EP400: variants seen among roughly 807,000 people sequenced by gnomAD.
EP400 encodes E1A-binding protein p400.
In EP400, 105 loss-of-function variants were observed where a neutral mutation model predicts 354.1. That is an observed-to-expected ratio of 0.30 (90% CI 0.25 to 0.35). The LOEUF is 0.35. EP400 is among the 10% of genes least tolerant of loss of function. EP400 has a pLI of 1.00. For missense variants in EP400, 3,280 were observed against 4,121.0 expected (o/e 0.80, Z 5.59); for synonymous variants, 1,646 against 1,716.9 (o/e 0.96, Z 1.02).
At position 132,020,040 on chromosome 12, in the gene EP400, G is replaced by A; in HGVS notation, c.4278-9G>A. 6.6e-7 allele frequency: 1 copy of A among 1,519,674 alleles called. No homozygotes were observed. Among genetic ancestry groups the A allele is most frequent in the Non-Finnish European group, 8.8e-7 (1 of 1,130,952 alleles). The allele number at this position is 1,519,674 out of a possible 1,614,324, so 94.1% of individuals were successfully genotyped here. On this transcript the variant is annotated splice_polypyrimidine_tract_variant and intron_variant, in intron 21 of 52. Coordinates refer to ENST00000389561, the MANE Select transcript of EP400 (RefSeq NM_015409.5). ...CTGTATCTTCTTGCCTGGACCAATG[G>A]GCATCTAGGTTGTTTCAGCCTGTGC...
chr12:131,967,866 AT>A (rs1892156169), intron 2 of EP400, among the ~76,000 whole-genome samples: 22 of 152,034 alleles, frequency 1.4e-4, no homozygotes, highest in Admixed American at 1.3e-3. Flanking sequence ...TTTAATTTGG[AT>A]GTCTCTGAAG....
In EP400 at chr12:131,994,309, A is replaced by T. The variant is rs753896610; in HGVS notation, c.2738-558A>T. 3.3e-5 allele frequency among the ~76,000 whole-genome samples: 5 copies of T among 152,162 alleles called. No individual in the cohort carries two copies. Among genetic ancestry groups the T allele is most frequent in the Admixed American group, 6.5e-5 (1 of 15,276 alleles). Reference sequence around the variant, plus strand: ...TGGTGCAGGCCCCCTGCAGGCCCCCAGGTGGGGAGAGGGTCCGTGGACAGA... The same window carrying T: ...TGGTGCAGGCCCCCTGCAGGCCCCCTGGTGGGGAGAGGGTCCGTGGACAGA... On this transcript the variant is annotated intron_variant, in intron 11 of 52. Transcript: ENST00000389561. The surrounding 1 kb of genome is among the most constrained non-coding windows in gnomAD (Gnocchi z 4.6).
chr12:131,992,211 A>T lies in EP400; in HGVS notation c.2718A>T (p.Ile906=). ...GMSGRKRKAS[I]SLTDDEVDDE... is the part of the protein sequence containing the mutation. ...CTGGAAGAAAAAGAAAAGCTAGCAT[A>T]TCTTTGACTGATGACGAAGGTCTGT... is the stretch of plus-strand genomic sequence containing the variant. The change falls in exon 11 of 53, where the codon ATA becomes ATT. Residue 906 remains isoleucine (I), a synonymous_variant. Coordinates refer to ENST00000389561, the MANE Select transcript of EP400 (RefSeq NM_015409.5). 6.2e-7 allele frequency: 1 copy of T among 1,610,552 alleles called. No homozygotes were observed. Among genetic ancestry groups the T allele is most frequent in the African/African-American group, 1.3e-5 (1 of 75,010 alleles).
intron 6 of EP400, 81 bp from the exon 7 acceptor site, chr12:131,987,624 G>A: frequency 7.8e-7 from 1 of 1,282,752 alleles, no homozygotes; most frequent in South Asian, 1.6e-5. Flanking sequence ...TGCATAGTAG[G>A]GCTTCAAATT....
At chr12:132,043,805 A>T in intron 34 of EP400, 77 bp downstream of exon 34, 1 of 1,302,538 alleles carries the variant, frequency 7.7e-7, no homozygotes, top group Non-Finnish European at 1.1e-6. Context: ...AGTAAATGTG[A>T]CTTCATTAAA....
chr12:132,038,525 A>T lies in EP400; in HGVS notation c.6207+429A>T, dbSNP rs1482200765. Among the ~76,000 whole-genome samples, 5 of 152,186 alleles carry T rather than the reference A, an allele frequency of 3.3e-5. No individual in the cohort carries two copies. Among genetic ancestry groups the T allele is most frequent in the African/African-American group, 1.2e-4 (5 of 41,442 alleles). ...GGTGCTGAGTGTAAGGTGCTGGTTG[A>T]TTGCAAAGACTGAGTATAAGAAAGA... On this transcript the variant is annotated intron_variant, in intron 32 of 52. Transcript: ENST00000389561. The surrounding 1 kb of genome is among the most constrained non-coding windows in gnomAD (Gnocchi z 4.2).
chr12:132,038,308 G>T lies in EP400; in HGVS notation c.6207+212G>T, dbSNP rs147729276. On this transcript the variant is annotated intron_variant, in intron 32 of 52. Transcript: ENST00000389561. This position sits in a 1 kb window ranked among gnomAD's most constrained non-coding sequence, Gnocchi z 4.2. ...AGTGAGGGGAATGGTGGCGAAGGTC[G>T]CGGACCACAGGCCTGTCACCGAAGC... 6.6e-6 allele frequency among the ~76,000 whole-genome samples: 1 copy of T among 152,178 alleles called. No homozygotes were observed. Among genetic ancestry groups the T allele is most frequent in the Admixed American group, 6.5e-5 (1 of 15,286 alleles).
chr12:132,045,270 G>T (rs944401136), intron 37 of EP400, 49 bp from the exon 38 acceptor site: 3 of 1,602,088 alleles, frequency 1.9e-6, no homozygotes, highest in Admixed American at 3.4e-5. Flanking sequence ...GCCTGCCCGT[G>T]TGGAATCTCC....
rs1333154495 is a variant in EP400 at position 131,998,240 on chromosome 12, G to A, written c.2827+3284G>A. Among the ~76,000 whole-genome samples the A allele has an allele frequency of 2.6e-5, 4 of 152,280 alleles. No individual in the cohort carries two copies. The East Asian group carries it at 7.7e-4, about 29-fold the overall frequency. ...GGTAAGTTCTTCTGCCTTGCTCTGT[G>A]TTAGGAGGATCTTGTCTATTTGGGG... On this transcript the variant is annotated intron_variant, in intron 12 of 52. Coordinates refer to ENST00000389561, the MANE Select transcript of EP400 (RefSeq NM_015409.5).
intron 29 of EP400, chr12:132,031,492 G>A (rs1277687665): frequency 2.3e-6 from 1 of 429,054 alleles, no homozygotes; most frequent in Non-Finnish European, 4.6e-6. Context: ...AATACAGTGC[G>A]GGGACCTTGG....
intron 30 of EP400, among the ~76,000 whole-genome samples, chr12:132,034,912 A>G (rs1894643024): frequency 6.6e-6 from 1 of 152,352 alleles, no homozygotes; most frequent in African/African-American, 2.4e-5. Context: ...CAGGGGAGAC[A>G]GGCACACAGC....
At chr12:132,034,596 A>T (rs1200468015) in intron 30 of EP400, among the ~76,000 whole-genome samples, 2 of 152,204 alleles carry the variant, frequency 1.3e-5, no homozygotes, top group Non-Finnish European at 2.9e-5. Flanking sequence ...GAACCCCCAA[A>T]CTGCATAAGG....
At chr12:131,963,730 C>A (rs1014489189) in intron 2 of EP400, 3 of 1,021,006 alleles carry the variant, frequency 2.9e-6, no homozygotes, top group African/African-American at 3.2e-5. Flanking sequence ...ACTTGCTCTT[C>A]AGCATTTTTT....
Position 131,960,714 on chromosome 12 carries a change from C to A in EP400, c.95C>A (p.Pro32His). ...GSEGEEQPAHPNPPPSPAAPF... is the reference protein window; with the variant it reads ...GSEGEEQPAHHNPPPSPAAPF... ...GAGGGTGAGGAGCAGCCGGCCCACCCCAACCCACCCCCGTCCCCCGCAGCT... is the reference window on the plus strand; with the variant it reads ...GAGGGTGAGGAGCAGCCGGCCCACCACAACCCACCCCCGTCCCCCGCAGCT... The change falls in exon 2 of 53, where the codon CCC becomes CAC. Residue 32 changes from proline (P) to histidine (H), a missense_variant. Pro to His is a moderately conservative substitution (Grantham distance 77). This residue lies in a region of EP400 where 172 missense variants were observed against 242.9 expected (regional missense o/e 0.71). Transcript: ENST00000389561. 2 of 1,560,178 alleles carry A rather than the reference C, an allele frequency of 1.3e-6. No homozygotes were observed. The highest frequency in any genetic ancestry group is 2.3e-5 in the East Asian group (1 of 42,616).
chr12:131,979,720 A>G lies in EP400; in HGVS notation c.1362A>G (p.Val454=), dbSNP rs1566170184. ...DEQQALAGSL[V]AGAGSTVETD... The stretch of plus-strand genomic sequence containing the variant: ...AGCAAGCCCTCGCAGGGAGCCTGGT[A>G]GCAGGGGCCGGAAGCACAGTAGAGA... The change falls in exon 3 of 53, where the codon GTA becomes GTG. Residue 454 remains valine (V), a synonymous_variant. Transcript: ENST00000389561. The G allele has an allele frequency of 6.2e-7, 1 of 1,609,294 alleles. No homozygotes were observed. Among genetic ancestry groups the G allele is most frequent in the Non-Finnish European group, 8.5e-7 (1 of 1,177,716 alleles).
At chr12:132,037,432 G>T (rs530746035) in intron 30 of EP400, among the ~76,000 whole-genome samples, 1 of 152,334 alleles carries the variant, frequency 6.6e-6, no homozygotes, top group South Asian at 2.1e-4. Context: ...CGGGATGGCG[G>T]GTGGAAGGAT....
chr12:132,064,277 A>G (rs561889728), intron 47 of EP400, among the ~76,000 whole-genome samples: 1 of 152,356 alleles, frequency 6.6e-6, no homozygotes, highest in Admixed American at 6.5e-5. Flanking sequence ...GTTCACTTCC[A>G]GCATTTCAAA....
intron 12 of EP400, among the ~76,000 whole-genome samples, chr12:131,998,201 T>C (rs957204308): frequency 6.6e-6 from 1 of 152,228 alleles, no homozygotes; most frequent in African/African-American, 2.4e-5. Flanking sequence ...ATAATAGTTC[T>C]TGATGTCTGG....
Position 131,982,420 on chromosome 12 carries a change from A to G in EP400, c.1871A>G (p.His624Arg). The change falls in exon 5 of 53, where the codon CAC becomes CGC. Residue 624 changes from histidine (H) to arginine (R), a missense_variant. This residue lies in a region of EP400 where 800 missense variants were observed against 840.0 expected (regional missense o/e 0.95). Transcript: ENST00000389561. ...TCGCAGCCTGCACAGCTGGCCCTCC[A>G]CGTTCCCACACCTGGAAAGGTGCAG... ...PPSQPAQLALHVPTPGKVQVQ... is the reference protein window; with the variant it reads ...PPSQPAQLALRVPTPGKVQVQ... 1.2e-6 allele frequency: 2 copies of G among 1,613,920 alleles called. No homozygotes were observed. The highest frequency in any genetic ancestry group is 3.3e-5 in the Admixed American group (2 of 60,008).
Sources: allele counts gnomAD v4.1 joint callset (sites outside exome capture counted in the v4.1 genomes callset), GRCh38; gene constraint gnomAD v4.1.1; regional missense constraint gnomAD v4.1.1; non-coding constraint Gnocchi (gnomAD v3.1); transcripts MANE v1.5; gene names NCBI Gene and HGNC (gene_info 2026-07-23, HGNC 2026-07-21).